CNTN4: variants seen among roughly 807,000 people sequenced by gnomAD.
The protein encoded by CNTN4 is contactin-4.
A neutral mutation model predicts 122.5 loss-of-function variants in CNTN4; 77 were observed. That is an observed-to-expected ratio of 0.63 (90% CI 0.52 to 0.76). The LOEUF (loss-of-function observed/expected upper bound fraction) is 0.76, where lower values mean the gene tolerates loss of function less well. CNTN4 is among the 30% of genes least tolerant of loss of function. CNTN4 has a pLI of 0.00. For synonymous variants in CNTN4, 512 were observed against 447.0 expected (o/e 1.15, Z -1.83); for missense variants, 1,256 against 1,259.1 (o/e 1.00, Z 0.04).
intron 4 of CNTN4, among the ~76,000 whole-genome samples, chr3:2,707,503 C>T (rs1430324950): frequency 1.3e-5 from 2 of 152,120 alleles, no homozygotes; most frequent in East Asian, 1.9e-4. Context: ...GCCAGGTGTA[C>T]ATCTGCTTTT....
Position 2,648,060 on chromosome 3 carries a change from A to T in CNTN4, c.55+76502A>T, listed in dbSNP as rs953010431. Among the ~76,000 whole-genome samples the T allele has an allele frequency of 2.0e-5, 3 of 152,242 alleles. No individual in the cohort carries two copies. The East Asian group carries it at 5.8e-4, about 29-fold the overall frequency. On this transcript the variant is annotated intron_variant, in intron 4 of 24. Coordinates refer to ENST00000418658, the MANE Select transcript of CNTN4 (RefSeq NM_175607.3). Reference sequence around the variant, plus strand: ...CCTTCCCAGTCATCACTGAGTGTATATAACAACTGCAAAGAAAACGCTCTG... The same window carrying T: ...CCTTCCCAGTCATCACTGAGTGTATTTAACAACTGCAAAGAAAACGCTCTG...
At position 2,279,712 on chromosome 3, in the gene CNTN4, T is replaced by C. The variant is rs75503412; in HGVS notation, c.-144-59466T>C. Among the ~76,000 whole-genome samples the C allele has an allele frequency of 2.2e-3, 337 of 152,172 alleles. 12 individuals are homozygous for C. In the East Asian group the frequency reaches 0.055, roughly 25 times the overall value. Reference sequence around the variant, plus strand: ...CATTGAAAAAAATAAGCAAGACTTTTGTTAAAATATCTTTAGACAGAATTT... The same window carrying C: ...CATTGAAAAAAATAAGCAAGACTTTCGTTAAAATATCTTTAGACAGAATTT... On this transcript the variant is annotated intron_variant, in intron 2 of 24. Transcript: ENST00000418658.
intron 7 of CNTN4, among the ~76,000 whole-genome samples, chr3:2,821,381 T>G (rs936592003): frequency 2.0e-5 from 3 of 152,228 alleles, no homozygotes; most frequent in African/African-American, 7.2e-5. Context: ...GGATGAGGCA[T>G]GAAGTCTGCA....
At chr3:2,532,648 T>A (rs1414898456) in intron 3 of CNTN4, among the ~76,000 whole-genome samples, 1 of 152,098 alleles carries the variant, frequency 6.6e-6, no homozygotes, top group East Asian at 1.9e-4. Flanking sequence ...ACAAATATAT[T>A]CTACTCTCAA....
intron 3 of CNTN4, among the ~76,000 whole-genome samples, chr3:2,515,508 T>C (rs1455812876): frequency 6.6e-6 from 1 of 152,162 alleles, no homozygotes; most frequent in Non-Finnish European, 1.5e-5. Context: ...ATAAAAGGCA[T>C]ACATCATTTT....
At chr3:2,725,014 C>T (rs895055966) in intron 4 of CNTN4, among the ~76,000 whole-genome samples, 1 of 152,188 alleles carries the variant, frequency 6.6e-6, no homozygotes, top group Non-Finnish European at 1.5e-5. Context: ...ACTAAAGCGT[C>T]AGAAGCCAAA....
chr3:2,440,532 T>C (rs905101611), intron 3 of CNTN4, among the ~76,000 whole-genome samples: 1 of 152,152 alleles, frequency 6.6e-6, no homozygotes, highest in Non-Finnish European at 1.5e-5. Flanking sequence ...ATGTGCGTGT[T>C]GTGCTAAAGC....
At chr3:2,872,329 C>G (rs981229636) in intron 8 of CNTN4, among the ~76,000 whole-genome samples, 1 of 152,166 alleles carries the variant, frequency 6.6e-6, no homozygotes, top group Admixed American at 6.5e-5. Flanking sequence ...GAGATAATGT[C>G]TGTTACACTG....
chr3:2,154,112 T>C (rs1194856638), intron 2 of CNTN4, among the ~76,000 whole-genome samples: 1 of 152,138 alleles, frequency 6.6e-6, no homozygotes, highest in East Asian at 1.9e-4. Context: ...TGGCCAGGCA[T>C]GGTGTCTGAC....
chr3:2,819,580 A>T lies in CNTN4; in HGVS notation c.453A>T (p.Gly151=). Residue 151 remains glycine (G), a splice_region_variant and synonymous_variant, in exon 7 of 25, where the codon GGA becomes GGT. Coordinates refer to ENST00000418658, the MANE Select transcript of CNTN4 (RefSeq NM_175607.3). ...TGTGTGGCCCGCCACCCCATTCTGGAGGTACATATAAATGAACTGACATAT... is the reference window on the plus strand; with the variant it reads ...TGTGTGGCCCGCCACCCCATTCTGGTGGTACATATAAATGAACTGACATAT... ...VLLCGPPPHS[G]ELSYAWIFNE... The T allele has an allele frequency of 6.2e-7, 1 of 1,607,032 alleles. No individual in the cohort carries two copies. Among genetic ancestry groups the T allele is most frequent in the Non-Finnish European group, 8.5e-7 (1 of 1,173,554 alleles).
intron 2 of CNTN4, among the ~76,000 whole-genome samples, chr3:2,191,723 CAT>C (rs373967034): frequency 2.0e-5 from 3 of 151,034 alleles, no homozygotes; most frequent in Admixed American, 1.3e-4. Flanking sequence ...CACACACACA[CAT>C]ACACACACAT....
At chr3:2,541,764 G>T (rs2078039730) in intron 3 of CNTN4, among the ~76,000 whole-genome samples, 1 of 152,264 alleles carries the variant, frequency 6.6e-6, no homozygotes, top group African/African-American at 2.4e-5. Flanking sequence ...GCAAAAATAT[G>T]TGCTGAGGGA....
intron 3 of CNTN4, among the ~76,000 whole-genome samples, chr3:2,348,895 C>G (rs546991557): frequency 6.6e-6 from 1 of 152,244 alleles, no homozygotes; most frequent in South Asian, 2.1e-4. Flanking sequence ...ATTAAACTTT[C>G]TTGGGCTCAA....
intron 7 of CNTN4, among the ~76,000 whole-genome samples, chr3:2,838,843 A>G (rs1260735385): frequency 6.6e-6 from 1 of 152,220 alleles, no homozygotes; most frequent in African/African-American, 2.4e-5. Flanking sequence ...GTCCCGCCGT[A>G]AGCTGTGAGT....
intron 13 of CNTN4, among the ~76,000 whole-genome samples, chr3:2,966,901 G>C (rs1012047931): frequency 6.6e-6 from 1 of 152,166 alleles, no homozygotes; most frequent in African/African-American, 2.4e-5. Flanking sequence ...TATATTGACT[G>C]GTGGACTTTT....
At position 2,967,551 on chromosome 3, in the gene CNTN4, C is replaced by T. The variant is rs1474884540; in HGVS notation, c.1359-20794C>T. Among the ~76,000 whole-genome samples, 4 of 152,140 alleles carry T rather than the reference C, an allele frequency of 2.6e-5. No homozygotes were observed. In the East Asian group the frequency reaches 5.8e-4, roughly 22 times the overall value. On this transcript the variant is annotated intron_variant, in intron 13 of 24. Coordinates refer to ENST00000418658, the MANE Select transcript of CNTN4 (RefSeq NM_175607.3). Reference sequence around the variant, plus strand: ...AAACTATAAACTATAAACTGAGTTCCTCCCAAACTTAGTTTCCATCCCAAT... The same window carrying T: ...AAACTATAAACTATAAACTGAGTTCTTCCCAAACTTAGTTTCCATCCCAAT...
intron 4 of CNTN4, among the ~76,000 whole-genome samples, chr3:2,729,102 A>G (rs989212179): frequency 1.2e-4 from 18 of 152,222 alleles, no homozygotes; most frequent in African/African-American, 4.3e-4. Flanking sequence ...CAACAGAGTC[A>G]GTTGAATTTG....
intron 3 of CNTN4, among the ~76,000 whole-genome samples, chr3:2,394,573 A>G (rs2046568564): frequency 6.6e-6 from 1 of 152,168 alleles, no homozygotes; most frequent in Non-Finnish European, 1.5e-5. Flanking sequence ...TGACAGTAAC[A>G]AATACTGGCA....
chr3:2,579,207 A>G (rs2079827327), intron 4 of CNTN4, among the ~76,000 whole-genome samples: 1 of 152,212 alleles, frequency 6.6e-6, no homozygotes, highest in Non-Finnish European at 1.5e-5. Flanking sequence ...TCTAGGGCGT[A>G]TTGTATCTAG....
Sources: allele counts gnomAD v4.1 joint callset (sites outside exome capture counted in the v4.1 genomes callset), GRCh38; gene constraint gnomAD v4.1.1; transcripts MANE v1.5; gene names NCBI Gene and HGNC (gene_info 2026-07-23, HGNC 2026-07-21).